The following ANGPTL4 variants were observed in gnomAD, a reference collection of about 807,000 sequenced individuals.
The protein encoded by ANGPTL4 is angiopoietin like 4, also known as angiopoietin-related protein 4.
A neutral mutation model predicts 39.2 loss-of-function variants in ANGPTL4; 39 were observed. The ratio of observed to expected loss-of-function variants is 1.00; its 90% CI spans 0.77 to 1.30. The LOEUF (loss-of-function observed/expected upper bound fraction) is 1.30. ANGPTL4 is among the 50% of genes most tolerant of loss of function. The pLI, the probability that ANGPTL4 is intolerant of heterozygous loss-of-function variation, is 0.00. For missense variants in ANGPTL4, 545 were observed against 549.8 expected (o/e 0.99, Z 0.09); for synonymous variants, 233 against 229.5 (o/e 1.02, Z -0.14).
At chr19:8,370,869 A>G (rs1401026341) in intron 4 of ANGPTL4, among the ~76,000 whole-genome samples, 187 bp from the exon 5 acceptor site, 1 of 152,066 alleles carries the variant, frequency 6.6e-6, no homozygotes, top group African/African-American at 2.4e-5. Context: ...TCTTGGGACA[A>G]AGATCTTCCC....
In ANGPTL4 at chr19:8,371,674, T is replaced by C. The variant is rs1263530237; in HGVS notation, c.1039+152T>C. ...GTGTGATTGGGCCACTAACTTAGCC[T>C]ATCTGGCCTCAGTTTTCCCATCCTG... On this transcript the variant is annotated intron_variant, in intron 6 of 6. Coordinates refer to ENST00000301455, the MANE Select transcript of ANGPTL4 (RefSeq NM_139314.3). The surrounding 1 kb of genome is among the most constrained non-coding windows in gnomAD (Gnocchi z 5.1). 1 of 1,131,094 alleles carries C rather than the reference T, an allele frequency of 8.8e-7. No homozygotes were observed. The highest frequency in any genetic ancestry group is 2.6e-5 in the East Asian group (1 of 38,624). The allele number at this position is 1,131,094 out of a possible 1,614,324, so 70.1% of individuals were successfully genotyped here. A position where few individuals can be genotyped will look rare whatever the true frequency, so the allele number is the denominator to read the frequency against.
At chr19:8,367,108 CT>C (rs902431624) in intron 3 of ANGPTL4, among the ~76,000 whole-genome samples, 91 of 152,254 alleles carry the variant, frequency 6.0e-4, no homozygotes, top group African/African-American at 1.9e-3. Flanking sequence ...TTGGATCCCC[CT>C]CTCACACCCT....
intron 3 of ANGPTL4, among the ~76,000 whole-genome samples, chr19:8,367,678 T>G (rs572864571): frequency 2.4e-4 from 37 of 151,910 alleles, no homozygotes; most frequent in African/African-American, 7.7e-4. Context: ...CATCCTCCCC[T>G]CCTCCCTCCC....
intron 3 of ANGPTL4, among the ~76,000 whole-genome samples, chr19:8,368,303 G>C (rs539338202): frequency 6.1e-4 from 92 of 151,992 alleles, no homozygotes; most frequent in African/African-American, 1.9e-3. Flanking sequence ...CACTGCGCCC[G>C]GCCCATTCCT....
Position 8,369,219 on chromosome 19 carries a change from G to A in ANGPTL4, c.548G>A (p.Arg183Gln). ...DPAHNVSRLH[R>Q]LPRDCQELFQ... ...AAGTCTCCACTTTATCTCCCTTCAGGGCTGCCCAGGGATTGCCAGGAGCTG... is the reference window on the plus strand; with the variant it reads ...AAGTCTCCACTTTATCTCCCTTCAGAGCTGCCCAGGGATTGCCAGGAGCTG... The change falls in exon 4 of 7, where the codon CGG becomes CAG. Residue 183 changes from arginine to glutamine, a missense_variant and splice_region_variant. Transcript: ENST00000301455. 6.2e-7 allele frequency: 1 copy of A among 1,609,682 alleles called. No individual in the cohort carries two copies. The highest frequency in any genetic ancestry group is 1.1e-5 in the South Asian group (1 of 89,844).
At chr19:8,365,303 C>T (rs2145469281) in intron 1 of ANGPTL4, among the ~76,000 whole-genome samples, 1 of 151,794 alleles carries the variant, frequency 6.6e-6, no homozygotes, top group South Asian at 2.1e-4. Context: ...CACAGTGAAA[C>T]CCCGTCTCTA....
intron 1 of ANGPTL4, 55 bp from the exon 2 acceptor site, chr19:8,365,897 ATT>A: frequency 7.9e-7 from 1 of 1,271,990 alleles, no homozygotes; most frequent in Non-Finnish European, 1.1e-6. Context: ...GAGTGGATGA[ATT>A]AAGAGGTTGG....
chr19:8,373,821 C>T lies in ANGPTL4; in HGVS notation c.1156C>T (p.Arg386Cys), dbSNP rs746836957. 3.7e-6 allele frequency: 6 copies of T among 1,613,890 alleles called. No individual in the cohort carries two copies. The highest frequency in any genetic ancestry group is 1.1e-5 in the South Asian group (1 of 91,084). ...KGIFWKTWRGRYYPLQATTML... is the reference protein window; with the variant it reads ...KGIFWKTWRGCYYPLQATTML... ...AATCTTCTGGAAGACCTGGCGGGGCCGCTACTACCCGCTGCAGGCCACCAC... is the reference window on the plus strand; with the variant it reads ...AATCTTCTGGAAGACCTGGCGGGGCTGCTACTACCCGCTGCAGGCCACCAC... Residue 386 changes from arginine (R) to cysteine (C), a missense_variant, in exon 7 of 7, where the codon CGC (arginine) becomes TGC (cysteine). Arg to Cys is a radical substitution (Grantham distance 180). Coordinates refer to ENST00000301455, the MANE Select transcript of ANGPTL4 (RefSeq NM_139314.3).
intron 4 of ANGPTL4, among the ~76,000 whole-genome samples, chr19:8,369,986 C>T (rs113205228): frequency 0.03 from 4,561 of 151,766 alleles, 234 homozygotes; most frequent in African/African-American, 0.1. Flanking sequence ...AGACAGATCA[C>T]GAGGTCAGGA....
In ANGPTL4 at chr19:8,371,039, T is replaced by A; in HGVS notation, c.662-17T>A. The A allele has an allele frequency of 6.4e-7, 1 of 1,573,224 alleles. No homozygotes were observed. Among genetic ancestry groups the A allele is most frequent in the Non-Finnish European group, 8.6e-7 (1 of 1,158,688 alleles). ...GTGAAGAGGGACTTCCTGGTGACCT[T>A]GTACCTTTCTGGGCAGATGGAGGCT... On this transcript the variant is annotated splice_polypyrimidine_tract_variant and intron_variant, in intron 4 of 6. Coordinates refer to ENST00000301455, the MANE Select transcript of ANGPTL4 (RefSeq NM_139314.3). The surrounding 1 kb of genome is among the most constrained non-coding windows in gnomAD (Gnocchi z 5.1).
In ANGPTL4 at chr19:8,364,490, G is replaced by T. The variant is rs1342160636; in HGVS notation, c.169G>T (p.Glu57Ter). The change falls in exon 1 of 7, where the codon GAA becomes TAA. Residue 57 changes from glutamate to a stop codon, truncating the protein, a stop_gained. Transcript: ENST00000301455. LOFTEE classifies it high-confidence loss of function. The part of the protein sequence containing the change: ...GLLQLGQGLR[E>*]HAERTRSQLS... ...CCTGCAGCTCGGCCAGGGGCTGCGC[G>T]AACACGCGGAGCGCACCCGCAGTCA... 1.5e-5 allele frequency: 23 copies of T among 1,564,554 alleles called. No homozygotes were observed. Among genetic ancestry groups the T allele is most frequent in the Non-Finnish European group, 2.0e-5 (23 of 1,155,980 alleles).
chr19:8,365,446 C>A (rs1409146585), intron 1 of ANGPTL4, among the ~76,000 whole-genome samples: 1 of 152,014 alleles, frequency 6.6e-6, no homozygotes, highest in Non-Finnish European at 1.5e-5. Flanking sequence ...CCATTGCACT[C>A]CAGCCTGGGC....
At chr19:8,365,467 G>A (rs539961163) in intron 1 of ANGPTL4, among the ~76,000 whole-genome samples, 182 of 151,846 alleles carry the variant, frequency 1.2e-3, no homozygotes, top group African/African-American at 4.0e-3. Flanking sequence ...GACAGAGCTC[G>A]ACTCCATCTC....
chr19:8,368,973 G>C (rs1039285464), intron 3 of ANGPTL4, among the ~76,000 whole-genome samples: 2 of 152,214 alleles, frequency 1.3e-5, no homozygotes, highest in African/African-American at 4.8e-5. Context: ...AGAGGGTGTG[G>C]GTACAGCATG....
intron 6 of ANGPTL4, among the ~76,000 whole-genome samples, chr19:8,372,157 A>G (rs1454608684): frequency 6.6e-6 from 1 of 150,748 alleles, no homozygotes; most frequent in African/African-American, 2.4e-5. Context: ...CCTGGGTTCA[A>G]GTGATTCTCC....
chr19:8,367,085 A>T (rs1004360124), intron 3 of ANGPTL4, among the ~76,000 whole-genome samples: 8 of 152,020 alleles, frequency 5.3e-5, no homozygotes, highest in African/African-American at 1.9e-4. Flanking sequence ...TCCACAGCCA[A>T]CTGGGTGAAA....
chr19:8,372,708 C>T (rs975034666), intron 6 of ANGPTL4, among the ~76,000 whole-genome samples: 1 of 151,974 alleles, frequency 6.6e-6, no homozygotes, highest in African/African-American at 2.4e-5. Flanking sequence ...TTGGGAGGAT[C>T]TCTTGAGCCT....
At chr19:8,367,034 G>A (rs995620448) in intron 3 of ANGPTL4, among the ~76,000 whole-genome samples, 19 of 152,168 alleles carry the variant, frequency 1.2e-4, no homozygotes, top group Admixed American at 1.2e-3. Context: ...GGCCCCACAC[G>A]GTTTCTCTGT....
intron 4 of ANGPTL4, among the ~76,000 whole-genome samples, chr19:8,370,589 GC>G (rs1224885972): frequency 6.6e-6 from 1 of 151,040 alleles, no homozygotes; most frequent in Non-Finnish European, 1.5e-5. Flanking sequence ...GATTCCAGCT[GC>G]TTGTGGGGCT....
Sources: gnomAD v4.1 joint callset for allele counts (sites outside exome capture counted in the v4.1 genomes callset) on GRCh38, gnomAD v4.1.1 for gene constraint, Gnocchi (gnomAD v3.1) non-coding constraint, MANE v1.5 for transcripts, NCBI Gene and HGNC (gene_info 2026-07-23, HGNC 2026-07-21) for gene names.